Variants in POLR3B observed in about 807,000 individuals in gnomAD.
POLR3B encodes RNA polymerase III subunit B.
POLR3B carries 96 observed loss-of-function variants against 147.4 expected under a neutral mutation model. That is an observed-to-expected ratio of 0.65 (90% CI 0.55 to 0.77). The LOEUF is 0.77. Among genes scored for constraint, POLR3B ranks in the 30% least tolerant of loss-of-function variants. POLR3B has a pLI of 0.00. For missense variants in POLR3B, 1,036 were observed against 1,413.5 expected, an observed-to-expected ratio of 0.73 and a Z score of 4.28; for synonymous variants, 461 against 485.9, an observed-to-expected ratio of 0.95 and a Z score of 0.67.
At chr12:106,402,944 C>A (rs1164253458) in intron 10 of POLR3B, among the ~76,000 whole-genome samples, 3 of 152,048 alleles carry the variant, frequency 2.0e-5, no homozygotes, top group Non-Finnish European at 4.4e-5. Flanking sequence ...GCAACAACAG[C>A]CAAAATTGAC....
chr12:106,496,357 A>G lies in POLR3B; in HGVS notation c.2817+199A>G, dbSNP rs2288270. Reference sequence around the variant, plus strand: ...CCTCTACATAAAGAATGAGGAGCACATCTATACCTCCCTTTGAGAGTGGAG... The same window carrying G: ...CCTCTACATAAAGAATGAGGAGCACGTCTATACCTCCCTTTGAGAGTGGAG... On this transcript the variant is annotated intron_variant, in intron 24 of 27. Coordinates refer to ENST00000228347, the MANE Select transcript of POLR3B (RefSeq NM_018082.6). 442,036 of 677,138 alleles carry G rather than the reference A, an allele frequency of 0.65. 145,018 individuals carry two copies. The highest frequency in any genetic ancestry group is 0.74 in the East Asian group (27,591 of 37,038). The allele number at this position is 677,138 out of a possible 1,614,324, so 41.9% of individuals were successfully genotyped here.
At chr12:106,372,458 C>G (rs939685190) in intron 6 of POLR3B, among the ~76,000 whole-genome samples, 1 of 151,630 alleles carries the variant, frequency 6.6e-6, no homozygotes, top group Non-Finnish European at 1.5e-5. Flanking sequence ...CCACCTCAAC[C>G]TCCCGAGTAG....
intron 13 of POLR3B, among the ~76,000 whole-genome samples, chr12:106,429,480 C>T (rs2037480462): frequency 6.6e-6 from 1 of 152,100 alleles, no homozygotes; most frequent in African/African-American, 2.4e-5. Context: ...ACTGTTAATT[C>T]ATGTTACCAT....
chr12:106,412,849 T>C lies in POLR3B; in HGVS notation c.1101+1889T>C, dbSNP rs147925323. Among the ~76,000 whole-genome samples the C allele has an allele frequency of 2.5e-3, 377 of 152,290 alleles. 2 individuals are homozygous for C. Among genetic ancestry groups the C allele is most frequent in the African/African-American group, 8.4e-3 (349 of 41,578 alleles). On this transcript the variant is annotated intron_variant, in intron 12 of 27. Coordinates refer to ENST00000228347, the MANE Select transcript of POLR3B (RefSeq NM_018082.6). ...TCAGCTCTCATACTGTAAACAAGTA[T>C]CCTTTTTACTACTTTGATTTGCATT...
chr12:106,500,529 G>T (rs144344778), intron 25 of POLR3B, among the ~76,000 whole-genome samples: 1 of 152,178 alleles, frequency 6.6e-6, no homozygotes, highest in Non-Finnish European at 1.5e-5. Context: ...GGGCAAGTGC[G>T]CCAAAGGGTC....
chr12:106,412,159 A>T (rs1018309757), intron 12 of POLR3B, among the ~76,000 whole-genome samples: 1 of 151,466 alleles, frequency 6.6e-6, no homozygotes, highest in East Asian at 1.9e-4. Flanking sequence ...GACATTGTGG[A>T]TAAGTTGTGG....
intron 9 of POLR3B, 65 bp downstream of exon 9, chr12:106,380,204 T>TTAGAGATTTGG (rs1171554582): frequency 7.6e-6 from 7 of 915,736 alleles, no homozygotes; most frequent in Admixed American, 3.6e-5. Context: ...ACATATGTAA[T>TTAGAGATTTGG]TAGAGATTTG....
At chr12:106,389,590 T>C (rs2036886402) in intron 9 of POLR3B, among the ~76,000 whole-genome samples, 1 of 143,828 alleles carries the variant, frequency 7.0e-6, no homozygotes, top group Non-Finnish European at 1.5e-5. Flanking sequence ...CAGCAGTGTT[T>C]AGGATTTCAG....
intron 7 of POLR3B, among the ~76,000 whole-genome samples, chr12:106,376,927 C>T (rs1252398471): frequency 6.6e-6 from 1 of 152,196 alleles, no homozygotes; most frequent in Non-Finnish European, 1.5e-5. Context: ...TTCTCAAAGA[C>T]ATACTGTTTC....
intron 23 of POLR3B, among the ~76,000 whole-genome samples, chr12:106,492,015 G>A (rs933906555): frequency 1.3e-5 from 2 of 152,106 alleles, no homozygotes; most frequent in African/African-American, 2.4e-5. Context: ...TTCTAGTCAG[G>A]TCTCAACACA....
intron 25 of POLR3B, among the ~76,000 whole-genome samples, chr12:106,499,541 A>G (rs1380564452): frequency 6.6e-6 from 1 of 152,208 alleles, no homozygotes; most frequent in Non-Finnish European, 1.5e-5. Context: ...GTAGGAGGAA[A>G]AATTGCATAT....
chr12:106,482,355 C>T (rs1165166026), intron 23 of POLR3B, among the ~76,000 whole-genome samples: 1 of 152,092 alleles, frequency 6.6e-6, no homozygotes, highest in Non-Finnish European at 1.5e-5. Context: ...ATACCTCAGA[C>T]TGGATAATTT....
chr12:106,499,968 T>C (rs1485308157), intron 25 of POLR3B: 1 of 372,016 alleles, frequency 2.7e-6, no homozygotes, highest in Non-Finnish European at 5.3e-6. Context: ...TTTTCTACTT[T>C]TACATCATGC....
At chr12:106,482,015 A>G (rs1387301442) in intron 23 of POLR3B, among the ~76,000 whole-genome samples, 1 of 152,206 alleles carries the variant, frequency 6.6e-6, no homozygotes, top group Non-Finnish European at 1.5e-5. Flanking sequence ...TAAAGCTCAC[A>G]CCCTGAGAAT....
At chr12:106,494,198 G>A (rs529778517) in intron 23 of POLR3B, among the ~76,000 whole-genome samples, 1 of 152,236 alleles carries the variant, frequency 6.6e-6, no homozygotes, top group South Asian at 2.1e-4. Flanking sequence ...TTAATTAAAT[G>A]TGTCGATTAA....
intron 19 of POLR3B, among the ~76,000 whole-genome samples, chr12:106,446,812 T>C (rs929533356): frequency 6.6e-6 from 1 of 152,210 alleles, no homozygotes; most frequent in African/African-American, 2.4e-5. Context: ...AGCAGCGAGA[T>C]AAAAGTACAT....
intron 12 of POLR3B, among the ~76,000 whole-genome samples, chr12:106,416,686 C>T (rs1352814591): frequency 1.3e-5 from 2 of 152,156 alleles, no homozygotes; most frequent in African/African-American, 4.8e-5. Context: ...GAGGGGTTCT[C>T]TGCCTCCTTC....
chr12:106,421,526 C>T lies in POLR3B; in HGVS notation c.1102-5671C>T, dbSNP rs139055762. Among the ~76,000 whole-genome samples, 5 of 152,176 alleles carry T rather than the reference C, an allele frequency of 3.3e-5. No homozygotes were observed. The East Asian group carries it at 9.6e-4, about 29-fold the overall frequency. ...TTTCTATATTACTAATGAGGTTGAG[C>T]CCCTTTTCATGTACTTATTGACTAT... On this transcript the variant is annotated intron_variant, in intron 12 of 27. Coordinates refer to ENST00000228347, the MANE Select transcript of POLR3B (RefSeq NM_018082.6).
intron 9 of POLR3B, among the ~76,000 whole-genome samples, chr12:106,389,925 C>T (rs138974109): frequency 3.2e-4 from 48 of 152,174 alleles, no homozygotes; most frequent in African/African-American, 9.9e-4. Context: ...GTTGGCTGGG[C>T]GCGGTGGCTT....
Sources: gnomAD v4.1 joint callset for allele counts (sites outside exome capture counted in the v4.1 genomes callset) on GRCh38, gnomAD v4.1.1 for gene constraint, MANE v1.5 for transcripts, NCBI Gene and HGNC (gene_info 2026-07-23, HGNC 2026-07-21) for gene names.